SLCO6A1: variants seen among roughly 807,000 people sequenced by gnomAD.
SLCO6A1 encodes cancer/testis antigen 48.
A neutral mutation model predicts 72.7 loss-of-function variants in SLCO6A1; 65 were observed. That is an observed-to-expected ratio of 0.89 (90% confidence interval 0.73 to 1.10). The LOEUF is 1.10. Among genes scored for constraint, SLCO6A1 ranks in the 50% least tolerant of loss-of-function variants. The pLI is 0.00. For missense variants in SLCO6A1, 874 were observed against 872.6 expected, an observed-to-expected ratio of 1.00 and a Z score of -0.02; for synonymous variants, 314 against 298.2, an observed-to-expected ratio of 1.05 and a Z score of -0.55.
At chr5:102,440,226 C>T (rs1253481722) in intron 6 of SLCO6A1, among the ~76,000 whole-genome samples, 1 of 152,056 alleles carries the variant, frequency 6.6e-6, no homozygotes, top group East Asian at 1.9e-4. Flanking sequence ...CTCAGGGATC[C>T]CCAGCCTCTA....
intron 6 of SLCO6A1, among the ~76,000 whole-genome samples, chr5:102,451,145 T>C (rs1750394581): frequency 1.3e-5 from 2 of 151,990 alleles, no homozygotes; most frequent in Admixed American, 6.6e-5. Flanking sequence ...GAAGCTACAC[T>C]GTGCAGGAGG....
chr5:102,428,704 AG>A (rs1368621243), intron 7 of SLCO6A1, among the ~76,000 whole-genome samples: 1 of 151,062 alleles, frequency 6.6e-6, no homozygotes, highest in African/African-American at 2.4e-5. Context: ...TTGCATCTAT[AG>A]GTTCTTATTT....
At chr5:102,393,031 C>T (rs1470682241) in intron 10 of SLCO6A1, among the ~76,000 whole-genome samples, 5 of 152,184 alleles carry the variant, frequency 3.3e-5, no homozygotes, top group African/African-American at 1.2e-4. Flanking sequence ...ATTCACCACA[C>T]CTAATCAGTA....
chr5:102,406,456 A>G (rs1319315100), intron 9 of SLCO6A1, among the ~76,000 whole-genome samples: 1 of 152,148 alleles, frequency 6.6e-6, no homozygotes, highest in Non-Finnish European at 1.5e-5. Context: ...ACACGTTAAT[A>G]CACAACACAA....
chr5:102,459,009 C>T (rs935400778), intron 5 of SLCO6A1, among the ~76,000 whole-genome samples: 1 of 151,944 alleles, frequency 6.6e-6, no homozygotes, highest in Non-Finnish European at 1.5e-5. Context: ...ACATTAAATG[C>T]TAGGTAAGTA....
chr5:102,413,024 C>G lies in SLCO6A1; in HGVS notation c.1592G>C (p.Gly531Ala). Reference sequence around the variant, plus strand: ...GTTTTGTGCTTTAGAATATGTACACCCTGCAAAGCAGGGAGAAAAATATTC... The same window carrying G: ...GTTTTGTGCTTTAGAATATGTACACGCTGCAAAGCAGGGAGAAAAATATTC... ...DIEYFSPCFA[G>A]CTYSKAQNQK... The change falls in exon 9 of 14, where the codon GGG becomes GCG. Residue 531 changes from glycine to alanine, a missense_variant. Coordinates refer to ENST00000506729, the MANE Select transcript of SLCO6A1 (RefSeq NM_173488.5). 1 of 1,542,882 alleles carries G rather than the reference C, an allele frequency of 6.5e-7. No individual in the cohort carries two copies.
In SLCO6A1 at chr5:102,498,781, G is replaced by T. The variant is rs557649426; in HGVS notation, c.64C>A (p.Leu22Met). 1 of 1,614,042 alleles carries T rather than the reference G, an allele frequency of 6.2e-7. No homozygotes were observed. Among genetic ancestry groups the T allele is most frequent in the South Asian group, 1.1e-5 (1 of 91,086 alleles). ...QDEVSRGVEPLEAARAQPAKD... is the reference protein window; with the variant it reads ...QDEVSRGVEPMEAARAQPAKD... ...GCAGGCTGGGCCCGCGCGGCCTCCA[G>T]CGGCTCTACTCCCCTTGAGACTTCA... The change falls in exon 1 of 14, where the codon CTG becomes ATG. Residue 22 changes from leucine to methionine, a missense_variant. Transcript: ENST00000506729.
chr5:102,391,273 A>C, intron 10 of SLCO6A1: 1 of 468,096 alleles, frequency 2.1e-6, no homozygotes, highest in South Asian at 3.0e-5. Context: ...TTCCCAAAGA[A>C]GAAGGTTTTT....
intron 11 of SLCO6A1, 57 bp from the exon 12 acceptor site, chr5:102,388,882 G>A: frequency 6.8e-7 from 1 of 1,461,056 alleles, no homozygotes; most frequent in Non-Finnish European, 9.3e-7. Flanking sequence ...TCTTAAACAT[G>A]TAATGCACAC....
intron 4 of SLCO6A1, among the ~76,000 whole-genome samples, chr5:102,472,663 A>C (rs2112805401): frequency 6.6e-6 from 1 of 152,194 alleles, no homozygotes; most frequent in South Asian, 2.1e-4. Context: ...GCCTGGAAAA[A>C]CCATAGAGAA....
chr5:102,374,012 TC>T (rs1424257761), intron 12 of SLCO6A1, among the ~76,000 whole-genome samples: 1 of 144,704 alleles, frequency 6.9e-6, no homozygotes, highest in Admixed American at 6.7e-5. Context: ...TTTAATTAAT[TC>T]TTTTTCAATT....
chr5:102,417,993 CA>C (rs11390780), intron 8 of SLCO6A1, among the ~76,000 whole-genome samples: 33 of 147,660 alleles, frequency 2.2e-4, no homozygotes, highest in Admixed American at 3.4e-4. Context: ...GAAACTCCGT[CA>C]AAAAAAAAAA....
At chr5:102,494,093 G>A (rs1752802650) in intron 1 of SLCO6A1, among the ~76,000 whole-genome samples, 2 of 152,050 alleles carry the variant, frequency 1.3e-5, no homozygotes, top group East Asian at 1.9e-4. Context: ...GATGTATTAG[G>A]AAAATAGAAC....
intron 6 of SLCO6A1, among the ~76,000 whole-genome samples, chr5:102,449,294 G>GT (rs998880116): frequency 3.3e-5 from 5 of 151,890 alleles, no homozygotes; most frequent in Admixed American, 2.6e-4. Context: ...TGCCTTTAGT[G>GT]TTTTTTACTT....
chr5:102,477,202 A>G (rs1236330145), intron 3 of SLCO6A1, among the ~76,000 whole-genome samples: 1 of 152,024 alleles, frequency 6.6e-6, no homozygotes, highest in Admixed American at 6.6e-5. Context: ...GCTCGCTGCA[A>G]TCTCTGCCTC....
intron 8 of SLCO6A1, among the ~76,000 whole-genome samples, chr5:102,414,751 CA>C (rs1466890523): frequency 6.6e-6 from 1 of 151,754 alleles, no homozygotes; most frequent in Non-Finnish European, 1.5e-5. Flanking sequence ...AAAAAATAGC[CA>C]GGCGTAGTGG....
At chr5:102,421,418 T>C (rs1376841345) in intron 7 of SLCO6A1, among the ~76,000 whole-genome samples, 1 of 152,118 alleles carries the variant, frequency 6.6e-6, no homozygotes, top group Non-Finnish European at 1.5e-5. Context: ...CAACCTAAGA[T>C]GCTCGAGCTT....
At position 102,404,458 on chromosome 5, in the gene SLCO6A1, GC is replaced by G. The variant is rs569671475; in HGVS notation, c.1627-4717del. Among the ~76,000 whole-genome samples the G allele has an allele frequency of 2.1e-3, 317 of 152,216 alleles. 3 individuals carry two copies. Among genetic ancestry groups the G allele is most frequent in the African/African-American group, 7.2e-3 (301 of 41,530 alleles). On this transcript the variant is annotated intron_variant, in intron 9 of 13. Transcript: ENST00000506729. ...TGCAGTGAGCCAAGATCTCGCCACT[GC>G]TGTGCCACTGTACTCCAGCCTGGGT...
intron 6 of SLCO6A1, among the ~76,000 whole-genome samples, chr5:102,456,991 A>G (rs1255422454): frequency 6.6e-6 from 1 of 152,232 alleles, no homozygotes; most frequent in Non-Finnish European, 1.5e-5. Context: ...GAGAAAAACA[A>G]GCAATGGGGA....
Sources: gnomAD v4.1 joint callset for allele counts (sites outside exome capture counted in the v4.1 genomes callset) on GRCh38, gnomAD v4.1.1 for gene constraint, MANE v1.5 for transcripts, NCBI Gene and HGNC (gene_info 2026-07-23, HGNC 2026-07-21) for gene names.